The following KIF13B variants were observed in gnomAD, a reference collection of about 807,000 sequenced individuals.
The protein encoded by KIF13B is kinesin family member 13B, also known as kinesin-like protein KIF13B.
Under a neutral mutation model 222.0 loss-of-function variants are expected in KIF13B, and 127 were observed. The observed-to-expected ratio is 0.57, with a 90% CI of 0.50 to 0.66. The LOEUF (loss-of-function observed/expected upper bound fraction) is 0.66. Ranked by LOEUF, KIF13B falls within the 30% of genes least tolerant of loss-of-function variation. The pLI, the probability that KIF13B is intolerant of heterozygous loss-of-function variation, is 0.00. For missense variants in KIF13B, 2,173 were observed against 2,379.0 expected, an observed-to-expected ratio of 0.91 and a Z score of 1.80; for synonymous variants, 976 against 919.0, an observed-to-expected ratio of 1.06 and a Z score of -1.12.
At chr8:29,214,375 CT>C (rs1226141364) in intron 2 of KIF13B, among the ~76,000 whole-genome samples, 1 of 152,150 alleles carries the variant, frequency 6.6e-6, no homozygotes, top group Non-Finnish European at 1.5e-5. Context: ...ATTTTTAGAA[CT>C]TTTTTAAAAA....
chr8:29,119,451 C>T (rs1039400569), intron 29 of KIF13B, among the ~76,000 whole-genome samples: 10 of 152,174 alleles, frequency 6.6e-5, no homozygotes, highest in Admixed American at 1.3e-4. Context: ...TCCTCAGGCC[C>T]GAGCCTGGCC....
chr8:29,206,565 T>C (rs1229385777), intron 2 of KIF13B, among the ~76,000 whole-genome samples: 1 of 152,204 alleles, frequency 6.6e-6, no homozygotes, highest in Non-Finnish European at 1.5e-5. Context: ...TGGCTTTGTT[T>C]ATCCCTGTCC....
intron 2 of KIF13B, among the ~76,000 whole-genome samples, chr8:29,209,006 G>C (rs768034867): frequency 1.3e-5 from 2 of 152,172 alleles, no homozygotes; most frequent in African/African-American, 4.8e-5. Context: ...CTGTTTGTTC[G>C]CATTTGCATG....
At chr8:29,218,774 A>G (rs990302676) in intron 2 of KIF13B, 4 of 152,272 alleles carry the variant, frequency 2.6e-5, no homozygotes, top group Non-Finnish European at 2.9e-5. Context: ...GGATTTAGGG[A>G]AAGATAATTT....
intron 32 of KIF13B, among the ~76,000 whole-genome samples, chr8:29,112,077 G>A (rs1386903840): frequency 1.3e-5 from 2 of 152,190 alleles, no homozygotes; most frequent in Non-Finnish European, 2.9e-5. Context: ...TATCCAACAT[G>A]ACTTGAGAGG....
chr8:29,131,621 C>A (rs1810348254), intron 23 of KIF13B, among the ~76,000 whole-genome samples: 1 of 152,194 alleles, frequency 6.6e-6, no homozygotes, highest in Admixed American at 6.5e-5. Flanking sequence ...CACAAAGAAG[C>A]CTACCTCTTT....
Position 29,092,706 on chromosome 8 carries a change from T to C in KIF13B, c.4458+39A>G, listed in dbSNP as rs139519716. ...GGCGCAACACAGAGCACCGCTTTAT[T>C]AGAAAAACGTTCACAGCTGTTTTCT... On this transcript the variant is annotated intron_variant, in intron 37 of 39. Transcript: ENST00000524189. 270 of 1,581,658 alleles carry C rather than the reference T, an allele frequency of 1.7e-4. No homozygotes were observed. In the African/African-American group the frequency reaches 2.8e-3, roughly 16 times the overall value.
intron 23 of KIF13B, 56 bp from the exon 24 acceptor site, chr8:29,130,721 G>A (rs1247490512): frequency 6.5e-7 from 1 of 1,533,728 alleles, no homozygotes; most frequent in South Asian, 1.1e-5. Context: ...ATTACAGGCA[G>A]CTTAGGGTCC....
intron 30 of KIF13B, among the ~76,000 whole-genome samples, chr8:29,117,708 C>G (rs1809668737): frequency 6.6e-6 from 1 of 152,118 alleles, no homozygotes; most frequent in Non-Finnish European, 1.5e-5. Context: ...AATGTGTCCT[C>G]AAATATCACA....
intron 2 of KIF13B, among the ~76,000 whole-genome samples, chr8:29,237,414 C>G (rs778269093): frequency 1.1e-4 from 17 of 152,066 alleles, no homozygotes; most frequent in Non-Finnish European, 1.8e-4. Flanking sequence ...ATTCAAAACA[C>G]GTAATTCCTA....
At position 29,160,622 on chromosome 8, in the gene KIF13B, A is replaced by G. The variant is rs552037585; in HGVS notation, c.1404+111T>C. ...GAGTCCAGAAACCCAAGATGGTTCTATAACTTTTTGCTGTTTTCTGAGTAA... is the reference window on the plus strand; with the variant it reads ...GAGTCCAGAAACCCAAGATGGTTCTGTAACTTTTTGCTGTTTTCTGAGTAA... On this transcript the variant is annotated intron_variant, in intron 13 of 39. Transcript: ENST00000524189. The G allele has an allele frequency of 6.9e-5, 64 of 928,076 alleles. No homozygotes were observed. The East Asian group carries it at 1.7e-3, about 25-fold the overall frequency. The allele number at this position is 928,076 out of a possible 1,614,324, so 57.5% of individuals were successfully genotyped here.
At chr8:29,233,474 G>A (rs1364874958) in intron 2 of KIF13B, among the ~76,000 whole-genome samples, 1 of 152,212 alleles carries the variant, frequency 6.6e-6, no homozygotes, top group African/African-American at 2.4e-5. Context: ...ACGTGACATT[G>A]CTTATATGGG....
intron 2 of KIF13B, among the ~76,000 whole-genome samples, chr8:29,206,757 AGAATGAATGAGTGAAT>A (rs1813962270): frequency 6.6e-6 from 1 of 152,248 alleles, no homozygotes; most frequent in African/African-American, 2.4e-5. Context: ...TATTAAAAAT[AGAATGAATGAGTGAAT>A]GAATGAATGA....
chr8:29,211,408 G>A (rs951891748), intron 2 of KIF13B, among the ~76,000 whole-genome samples: 4 of 83,142 alleles, frequency 4.8e-5, no homozygotes, highest in South Asian at 7.3e-4. Flanking sequence ...TGAGCCCTTC[G>A]ACTGCCCAGG....
chr8:29,094,538 T>C (rs886453346), intron 36 of KIF13B, among the ~76,000 whole-genome samples: 2 of 152,152 alleles, frequency 1.3e-5, no homozygotes, highest in African/African-American at 4.8e-5. Flanking sequence ...TCTAGAGAAG[T>C]AGTCGTCAGA....
rs183660630 is a variant in KIF13B, at chr8:29,162,869, C to T, written c.1270-2002G>A. ...GATATCAGGGGTTGGTTAACTTTTC[C>T]TATAAAATGTCGGATAGTAAATATT... On this transcript the variant is annotated intron_variant, in intron 12 of 39. Coordinates refer to ENST00000524189, the MANE Select transcript of KIF13B (RefSeq NM_015254.4). Among the ~76,000 whole-genome samples, 3 of 152,286 alleles carry T rather than the reference C, an allele frequency of 2.0e-5. No homozygotes were observed. In the East Asian group the frequency reaches 5.8e-4, roughly 29 times the overall value.
At chr8:29,083,641 T>G in intron 37 of KIF13B, among the ~76,000 whole-genome samples, 1 of 152,214 alleles carries the variant, frequency 6.6e-6, no homozygotes, top group East Asian at 1.9e-4. Flanking sequence ...CAAAATGCTG[T>G]GATTCTGGAA....
chr8:29,216,467 C>T (rs911389432), intron 2 of KIF13B, among the ~76,000 whole-genome samples: 5 of 151,996 alleles, frequency 3.3e-5, no homozygotes, highest in East Asian at 1.9e-4. Context: ...GGCATGGTGG[C>T]GGGTGCCTGT....
chr8:29,126,423 G>C (rs1479023065), intron 26 of KIF13B, 59 bp downstream of exon 26: 2 of 1,071,586 alleles, frequency 1.9e-6, no homozygotes, highest in Non-Finnish European at 2.8e-6. Flanking sequence ...ATCCAGGAAT[G>C]TGTAATTATA....
Sources: gnomAD v4.1 joint callset for allele counts (sites outside exome capture counted in the v4.1 genomes callset) on GRCh38, gnomAD v4.1.1 for gene constraint, MANE v1.5 for transcripts, NCBI Gene and HGNC (gene_info 2026-07-23, HGNC 2026-07-21) for gene names.